The following WFS1 variants were observed in gnomAD, a reference collection of about 807,000 sequenced individuals.
WFS1 encodes wolframin.
Under a neutral mutation model 68.5 loss-of-function variants are expected in WFS1, and 90 were observed. The ratio of observed to expected loss-of-function variants is 1.31; its 90% CI spans 1.11 to 1.56. WFS1 has a LOEUF of 1.56. Among genes scored for constraint, WFS1 ranks in the 40% most tolerant of loss-of-function variants. WFS1 has a pLI of 0.00. For missense variants in WFS1, 1,767 were observed against 1,232.6 expected (o/e 1.43, Z -6.49); for synonymous variants, 860 against 540.7 (o/e 1.59, Z -8.19).
chr4:6,302,230 G>C lies in WFS1; in HGVS notation c.2435G>C (p.Ser812Thr). The C allele has an allele frequency of 1.2e-6, 2 of 1,608,788 alleles. No homozygotes were observed. The part of the protein sequence containing the change: ...IVLRASSEFK[S>T]VLLSLRQGSL... ...CTGCGGGCCAGCAGCGAGTTCAAGA[G>C]CGTGCTGCTCAGCCTGCGCCAGGGC... The change falls in exon 8 of 8, where the codon AGC becomes ACC. Residue 812 changes from serine to threonine, a missense_variant. Physicochemically the swap from Ser to Thr is moderately conservative, Grantham distance 58 (BLOSUM62 1). Coordinates refer to ENST00000226760, the MANE Select transcript of WFS1 (RefSeq NM_006005.3).
intron 7 of WFS1, among the ~76,000 whole-genome samples, chr4:6,297,012 G>A (rs1012368188): frequency 6.6e-6 from 1 of 152,102 alleles, no homozygotes; most frequent in Admixed American, 6.5e-5. Context: ...ACATTTTGTA[G>A]CGATGGGGGT....
chr4:6,301,850 C>A lies in WFS1; in HGVS notation c.2055C>A (p.Arg685=). The change falls in exon 8 of 8, where the codon CGC becomes CGA. Residue 685 remains arginine, a synonymous_variant. Coordinates refer to ENST00000226760, the MANE Select transcript of WFS1 (RefSeq NM_006005.3). ...PRAWKETNMA[R]TQILCSHLEG... ...CCTGGAAGGAGACCAACATGGCGCG[C>A]ACCCAGATCCTCTGCAGCCACCTGG... The A allele has an allele frequency of 6.2e-7, 1 of 1,612,936 alleles. No individual in the cohort carries two copies. The highest frequency in any genetic ancestry group is 8.5e-7 in the Non-Finnish European group (1 of 1,179,908).
At chr4:6,295,006 G>A in intron 6 of WFS1, 35 bp from the exon 7 acceptor site, 2 of 1,612,956 alleles carry the variant, frequency 1.2e-6, no homozygotes, top group East Asian at 2.2e-5. Context: ...GGGCTGCAGT[G>A]TGGGGCGCCC....
chr4:6,271,908 T>C (rs1051108782), intron 1 of WFS1, among the ~76,000 whole-genome samples: 7 of 152,188 alleles, frequency 4.6e-5, no homozygotes, highest in African/African-American at 1.4e-4. Flanking sequence ...CTCCCTCCTG[T>C]GTCCTCTCTC....
rs113791677 is a variant in WFS1, at chr4:6,287,423, G to C, written c.315+248G>C. ...TTTTGTCCAACTCACACCTCATCTT[G>C]GGCATCACCTCCTCCAGGATGACCT... is the stretch of plus-strand genomic sequence containing the variant. On this transcript the variant is annotated intron_variant, in intron 3 of 7. Transcript: ENST00000226760. The surrounding 1 kb of genome is among the most constrained non-coding windows in gnomAD (Gnocchi z 6.4). 309 of 553,980 alleles carry C rather than the reference G, an allele frequency of 5.6e-4. No individual in the cohort carries two copies. The highest frequency in any genetic ancestry group is 5.0e-3 in the African/African-American group (267 of 53,000). 34.3% of individuals were successfully genotyped at this position (553,980 alleles called of 1,614,324 possible). A position where few individuals can be genotyped will look rare whatever the true frequency, so the allele number is the denominator to read the frequency against.
chr4:6,270,444 C>T (rs1323624229), intron 1 of WFS1, among the ~76,000 whole-genome samples: 2 of 142,640 alleles, frequency 1.4e-5, no homozygotes, highest in Non-Finnish European at 3.1e-5. Flanking sequence ...TTGGAACGCG[C>T]CTGGGCCCCC....
At position 6,301,503 on chromosome 4, in the gene WFS1, C is replaced by T; in HGVS notation, c.1708C>T (p.Leu570Phe). 1 of 1,613,554 alleles carries T rather than the reference C, an allele frequency of 6.2e-7. No homozygotes were observed. Among genetic ancestry groups the T allele is most frequent in the Non-Finnish European group, 8.5e-7 (1 of 1,179,932 alleles). ...CGGCTACTTCCTCTTCCTCTTTGCC[C>T]TCCCCATCCTGGTGGCCGGCCTGGC... The part of the protein sequence containing the change: ...SIGYFLFLFA[L>F]PILVAGLALV... Residue 570 changes from leucine (L) to phenylalanine (F), a missense_variant, in exon 8 of 8, where the codon CTC (leucine) becomes TTC (phenylalanine). Leu to Phe is a conservative substitution (Grantham distance 22). Coordinates refer to ENST00000226760, the MANE Select transcript of WFS1 (RefSeq NM_006005.3).
In WFS1 at chr4:6,291,405, C is replaced by T. The variant is rs746674097; in HGVS notation, c.631+38C>T. 2.2e-5 allele frequency: 35 copies of T among 1,605,612 alleles called. No individual in the cohort carries two copies. In the Middle Eastern group the frequency reaches 1.2e-3, roughly 53 times the overall value. On this transcript the variant is annotated intron_variant, in intron 5 of 7. Transcript: ENST00000226760. ...ACCCTGGGCACCAGCCTTCCCTGGG[C>T]GCCAGCCTTCCCACAGGAGCCAGGA...
chr4:6,300,914 C>G lies in WFS1; in HGVS notation c.1119C>G (p.Asn373Lys), dbSNP rs765196364. 3 of 1,614,204 alleles carry G rather than the reference C, an allele frequency of 1.9e-6. No individual in the cohort carries two copies. Among genetic ancestry groups the G allele is most frequent in the Non-Finnish European group, 2.5e-6 (3 of 1,180,030 alleles). ...KVFQDSKAWE[N>K]FRTLTDLLLR... is the part of the protein sequence containing the mutation. ...TCCAGGACAGCAAGGCCTGGGAGAACTTCCGCACCCTCACCGACCTGCTGC... is the reference window on the plus strand; with the variant it reads ...TCCAGGACAGCAAGGCCTGGGAGAAGTTCCGCACCCTCACCGACCTGCTGC... The change falls in exon 8 of 8, where the codon AAC (asparagine) becomes AAG (lysine). Residue 373 changes from asparagine to lysine, a missense_variant. By Grantham distance (94) the Asn-to-Lys change is moderately conservative. Transcript: ENST00000226760.
intron 7 of WFS1, among the ~76,000 whole-genome samples, chr4:6,299,265 A>G (rs1336561542): frequency 6.6e-6 from 1 of 152,218 alleles, no homozygotes; most frequent in Non-Finnish European, 1.5e-5. Flanking sequence ...TGCTCCCAGC[A>G]TGCCTCCCTC....
chr4:6,291,513 T>C, intron 5 of WFS1, 146 bp downstream of exon 5: 2 of 1,092,716 alleles, frequency 1.8e-6, no homozygotes, highest in Non-Finnish European at 2.7e-6. Context: ...GACAGGGCCC[T>C]TCCTTGTGGG....
chr4:6,285,293 G>C (rs558983972), intron 2 of WFS1, among the ~76,000 whole-genome samples: 1 of 151,154 alleles, frequency 6.6e-6, no homozygotes, highest in South Asian at 2.1e-4. Context: ...GGCGTCCAGC[G>C]AGAGGAGCCT....
Position 6,291,899 on chromosome 4 carries a change from C to G in WFS1, c.632-18C>G. On this transcript the variant is annotated intron_variant, in intron 5 of 7. Transcript: ENST00000226760. The stretch of plus-strand genomic sequence containing the variant: ...ATAGTCAACTTGTCTGACTGTTAAT[C>G]CACCCTGTCCCCTGCAGATGGAGGG... 1.2e-6 allele frequency: 2 copies of G among 1,604,944 alleles called. No homozygotes were observed. Among genetic ancestry groups the G allele is most frequent in the East Asian group, 4.5e-5 (2 of 44,502 alleles).
intron 2 of WFS1, among the ~76,000 whole-genome samples, chr4:6,282,584 AT>A (rs1311786652): frequency 3.3e-5 from 5 of 152,154 alleles, no homozygotes; most frequent in African/African-American, 4.8e-5. Flanking sequence ...ACATCCAAAA[AT>A]TTTTAAACAC....
At chr4:6,279,472 C>T (rs186843540) in intron 2 of WFS1, among the ~76,000 whole-genome samples, 3 of 152,290 alleles carry the variant, frequency 2.0e-5, no homozygotes, top group Admixed American at 6.5e-5. Context: ...GAGATTTAAA[C>T]ATACCGTGGA....
chr4:6,302,659 C>A lies in WFS1; in HGVS notation c.*191C>A. 1 of 759,928 alleles carries A rather than the reference C, an allele frequency of 1.3e-6. No homozygotes were observed. Among genetic ancestry groups the A allele is most frequent in the Non-Finnish European group, 2.1e-6 (1 of 478,392 alleles). The allele number at this position is 759,928 out of a possible 1,614,324, so 47.1% of individuals were successfully genotyped here. On this transcript the variant is annotated 3_prime_UTR_variant, in exon 8 of 8. Coordinates refer to ENST00000226760, the MANE Select transcript of WFS1 (RefSeq NM_006005.3). ...GAAGGCTGCTGTGTAGCTCTGTCCA[C>A]TCTGAATACCAAGTGTGTTGGGAAT...
chr4:6,292,674 C>G (rs916319600), intron 6 of WFS1, among the ~76,000 whole-genome samples: 2 of 149,634 alleles, frequency 1.3e-5, no homozygotes, highest in Non-Finnish European at 2.9e-5. Flanking sequence ...AGAAGATAGA[C>G]AGGCAGGAGG....
rs201924362 is a variant in WFS1 at position 6,270,519 on chromosome 4, A to AC, written c.-6+505_-6+506insC. On this transcript the variant is annotated intron_variant, in intron 1 of 7. Transcript: ENST00000226760. ...GGGGGACCCGGCCCGCCCGAGGGGC[A>AC]GCTTAGGGGTCATTCTGAATCCCCA... 5.2e-3 allele frequency among the ~76,000 whole-genome samples: 784 copies of AC among 152,152 alleles called. 10 individuals carry two copies. Among genetic ancestry groups the AC allele is most frequent in the African/African-American group, 0.017 (698 of 41,526 alleles).
chr4:6,279,423 A>G (rs1422851920), intron 2 of WFS1, among the ~76,000 whole-genome samples: 1 of 152,208 alleles, frequency 6.6e-6, no homozygotes, highest in Non-Finnish European at 1.5e-5. Flanking sequence ...GGGCTTAAGT[A>G]GATGACCCAG....
Sources: allele counts gnomAD v4.1 joint callset (sites outside exome capture counted in the v4.1 genomes callset), GRCh38; gene constraint gnomAD v4.1.1; non-coding constraint Gnocchi (gnomAD v3.1); transcripts MANE v1.5; gene names NCBI Gene and HGNC (gene_info 2026-07-23, HGNC 2026-07-21).